The following KAZN variants were observed in gnomAD, a reference collection of about 807,000 sequenced individuals.
The protein encoded by KAZN is kazrin.
In KAZN, 40 loss-of-function variants were observed where a neutral mutation model predicts 87.4. The observed-to-expected ratio is 0.46, with a 90% confidence interval of 0.36 to 0.60. The LOEUF (loss-of-function observed/expected upper bound fraction) is 0.60. Among genes scored for constraint, KAZN ranks in the 20% least tolerant of loss-of-function variants. The pLI is 0.00. For missense variants in KAZN, 898 were observed against 1,073.9 expected, an observed-to-expected ratio of 0.84 and a Z score of 2.29; for synonymous variants, 466 against 458.3, an observed-to-expected ratio of 1.02 and a Z score of -0.22.
In KAZN at chr1:14,466,842, G is replaced by A. The variant is rs185569484; in HGVS notation, c.250-132141G>A. ...AAATTAGCCTGTTGTGGTGGCGGGC[G>A]CCTGTGGTCCCAGCTACTTGGGAGG... On this transcript the variant is annotated intron_variant, in intron 2 of 16. Transcript: ENST00000636203. Among the ~76,000 whole-genome samples, 22 of 152,178 alleles carry A rather than the reference G, an allele frequency of 1.4e-4. No individual in the cohort carries two copies. In the East Asian group the frequency reaches 2.3e-3, roughly 16 times the overall value.
intron 1 of KAZN, among the ~76,000 whole-genome samples, chr1:14,733,819 G>A (rs987080054): frequency 2.0e-5 from 3 of 152,156 alleles, no homozygotes; most frequent in African/African-American, 7.2e-5. Flanking sequence ...TTTTGAAGAG[G>A]AAACTCCACT....
At chr1:14,826,698 G>C (rs185228557) in intron 1 of KAZN, among the ~76,000 whole-genome samples, 38 of 152,020 alleles carry the variant, frequency 2.5e-4, no homozygotes, top group African/African-American at 9.2e-4. Flanking sequence ...TTTTCATCTC[G>C]GTTTTTACAG....
At chr1:14,732,883 C>T (rs1643741020) in intron 1 of KAZN, among the ~76,000 whole-genome samples, 1 of 152,064 alleles carries the variant, frequency 6.6e-6, no homozygotes, top group African/African-American at 2.4e-5. Flanking sequence ...GTGGCACACT[C>T]AGTGACTCAG....
intron 2 of KAZN, among the ~76,000 whole-genome samples, chr1:14,530,735 G>T (rs1416715583): frequency 1.3e-5 from 2 of 152,130 alleles, no homozygotes; most frequent in Non-Finnish European, 2.9e-5. Context: ...TCATCACCAT[G>T]CTTCCTGTAC....
rs114074640 is a variant in KAZN, at chr1:14,419,895, G to A, written c.250-179088G>A. Among the ~76,000 whole-genome samples, 1,376 of 152,228 alleles carry A rather than the reference G, an allele frequency of 9.0e-3. 7 individuals are homozygous for A. Among genetic ancestry groups the A allele is most frequent in the Non-Finnish European group, 0.014 (928 of 68,016 alleles). The stretch of plus-strand genomic sequence containing the variant: ...CGCACAGACAGTGAGACCCCAAAGA[G>A]CGAGCAACAATGGGATTTATTGCAA... On this transcript the variant is annotated intron_variant, in intron 2 of 16. Transcript: ENST00000636203.
intron 1 of KAZN, among the ~76,000 whole-genome samples, chr1:14,864,454 C>A (rs1278191930): frequency 6.6e-6 from 1 of 152,010 alleles, no homozygotes; most frequent in Admixed American, 6.6e-5. Flanking sequence ...TCCAGCTACT[C>A]GGGAGGCTGA....
At position 14,437,113 on chromosome 1, in the gene KAZN, A is replaced by T. The variant is rs909366684; in HGVS notation, c.250-161870A>T. Among the ~76,000 whole-genome samples, 3 of 152,168 alleles carry T rather than the reference A, an allele frequency of 2.0e-5. No individual in the cohort carries two copies. In the East Asian group the frequency reaches 5.8e-4, roughly 29 times the overall value. ...TGCTGAAAACACTGAAGTTCCCTTG[A>T]TGTGTCCCAGTTAGATCCTGCATGG... On this transcript the variant is annotated intron_variant, in intron 2 of 16. Coordinates refer to the KAZN transcript ENST00000636203.
chr1:14,219,822 A>G (rs1647052848), intron 2 of KAZN, among the ~76,000 whole-genome samples: 1 of 152,200 alleles, frequency 6.6e-6, no homozygotes, highest in Non-Finnish European at 1.5e-5. Flanking sequence ...ATCAATTCAC[A>G]TTAAAGGAAT....
chr1:14,582,756 G>A (rs1390237373), intron 2 of KAZN, among the ~76,000 whole-genome samples: 1 of 152,302 alleles, frequency 6.6e-6, no homozygotes, highest in African/African-American at 2.4e-5. Context: ...GAATTTTCTT[G>A]ATGAGAGAAA....
At chr1:13,987,563 C>G (rs1371737581) in intron 1 of KAZN, among the ~76,000 whole-genome samples, 1 of 151,916 alleles carries the variant, frequency 6.6e-6, no homozygotes, top group East Asian at 1.9e-4. Context: ...TTTTTTTCTA[C>G]AGTTCTGGGG....
chr1:14,580,955 G>A (rs553856389), intron 2 of KAZN, among the ~76,000 whole-genome samples: 2 of 151,938 alleles, frequency 1.3e-5, no homozygotes, highest in Non-Finnish European at 2.9e-5. Flanking sequence ...GCTCCTTCTC[G>A]GTCTTTTTTG....
At chr1:13,954,120 G>A (rs941067573) in intron 1 of KAZN, among the ~76,000 whole-genome samples, 3 of 152,174 alleles carry the variant, frequency 2.0e-5, no homozygotes, top group East Asian at 1.9e-4. Flanking sequence ...GTTTAAAAAC[G>A]CACCACCCAG....
At chr1:14,083,493 T>C (rs148995748) in intron 1 of KAZN, among the ~76,000 whole-genome samples, 41 of 152,288 alleles carry the variant, frequency 2.7e-4, no homozygotes, top group Non-Finnish European at 5.0e-4. Context: ...ACATGAATGG[T>C]ATTGAAGAGA....
chr1:15,112,589 G>A, intron 14 of KAZN, 48 bp downstream of exon 14: 2 of 1,291,172 alleles, frequency 1.5e-6, no homozygotes, highest in South Asian at 2.6e-5. Context: ...ACCCGGGAAA[G>A]GTCTTTTTTT....
At chr1:15,087,371 A>G (rs1640306604) in intron 8 of KAZN, among the ~76,000 whole-genome samples, 1 of 151,024 alleles carries the variant, frequency 6.6e-6, no homozygotes, top group South Asian at 2.1e-4. Flanking sequence ...AAACTCCAGT[A>G]TGTGTTTTAT....
At chr1:14,316,131 A>G (rs974863638) in intron 2 of KAZN, among the ~76,000 whole-genome samples, 2 of 151,934 alleles carry the variant, frequency 1.3e-5, no homozygotes, top group African/African-American at 4.8e-5. Context: ...TTTCATTTGA[A>G]ATTTCTGATG....
chr1:14,260,104 C>A (rs1041149721), intron 2 of KAZN, among the ~76,000 whole-genome samples: 1 of 152,202 alleles, frequency 6.6e-6, no homozygotes, highest in Admixed American at 6.5e-5. Flanking sequence ...TTCACGACCT[C>A]TTCCCCTTTC....
intron 2 of KAZN, among the ~76,000 whole-genome samples, chr1:14,963,664 G>A (rs1664139570): frequency 6.6e-6 from 1 of 152,154 alleles, no homozygotes; most frequent in African/African-American, 2.4e-5. Flanking sequence ...TGGGTTACAT[G>A]TGCAGAACGT....
chr1:14,092,257 A>T (rs1644015298), intron 1 of KAZN, among the ~76,000 whole-genome samples: 2 of 150,574 alleles, frequency 1.3e-5, no homozygotes, highest in African/African-American at 4.9e-5. Flanking sequence ...CGCCCAGCTC[A>T]TTTTTTTGTA....
Sources: allele counts gnomAD v4.1 joint callset (sites outside exome capture counted in the v4.1 genomes callset), GRCh38; gene constraint gnomAD v4.1.1; transcripts MANE v1.5; gene names NCBI Gene and HGNC (gene_info 2026-07-23, HGNC 2026-07-21).